Variants in BZW1 observed in about 807,000 individuals in gnomAD.
BZW1 encodes the protein basic leucine zipper and W2 domains 1.
Under a neutral mutation model 54.1 loss-of-function variants are expected in BZW1, and 3 were observed. That is an observed-to-expected ratio of 0.06 (90% confidence interval 0.03 to 0.14). The LOEUF is 0.14. Among genes scored for constraint, BZW1 ranks in the 10% least tolerant of loss-of-function variants. BZW1 has a pLI of 1.00. For missense variants in BZW1, 206 were observed against 491.7 expected, an observed-to-expected ratio of 0.42 and a Z score of 5.50; for synonymous variants, 152 against 162.7, an observed-to-expected ratio of 0.93 and a Z score of 0.50.
Position 200,823,490 on chromosome 2 carries a change from T to C in BZW1, c.*1312T>C, listed in dbSNP as rs1381542110. ...GTGTTAAAAGTGAACATTTTGAAGGTTTTTAACTGGTGAAACTAGCCTGGA... is the reference window on the plus strand; with the variant it reads ...GTGTTAAAAGTGAACATTTTGAAGGCTTTTAACTGGTGAAACTAGCCTGGA... On this transcript the variant is annotated 3_prime_UTR_variant, in exon 12 of 12. Coordinates refer to ENST00000409600, the MANE Select transcript of BZW1 (RefSeq NM_001207067.2). 6.6e-6 allele frequency: 1 copy of C among 151,724 alleles called. No homozygotes were observed. The highest frequency in any genetic ancestry group is 6.6e-5 in the Admixed American group (1 of 15,152). 9.4% of individuals were successfully genotyped at this position (151,724 alleles called of 1,614,324 possible). A position where few individuals can be genotyped will look rare whatever the true frequency, so the allele number is the denominator to read the frequency against.
chr2:200,816,112 C>G (rs1201955021), intron 4 of BZW1, among the ~76,000 whole-genome samples: 3 of 152,176 alleles, frequency 2.0e-5, no homozygotes, highest in Admixed American at 2.0e-4. Context: ...GCTTGTTAAT[C>G]AAGATCTCAT....
intron 1 of BZW1, chr2:200,812,841 A>G (rs1309721619): frequency 3.0e-6 from 2 of 664,970 alleles, no homozygotes; most frequent in East Asian, 3.1e-5. Context: ...GACTATGGTG[A>G]TAATCTCTCT....
At chr2:200,812,295 C>A in intron 1 of BZW1, 1 of 1,233,670 alleles carries the variant, frequency 8.1e-7, no homozygotes, top group Non-Finnish European at 1.0e-6. Flanking sequence ...GCCGCCGCGG[C>A]CTCTGTTGTG....
At chr2:200,820,882 T>A (rs2038483991) in intron 10 of BZW1, among the ~76,000 whole-genome samples, 1 of 152,198 alleles carries the variant, frequency 6.6e-6, no homozygotes, top group Non-Finnish European at 1.5e-5. Flanking sequence ...ATTGTTCCCT[T>A]TTCTCCTGAT....
intron 8 of BZW1, 109 bp from the exon 9 acceptor site, chr2:200,818,646 G>T: frequency 7.8e-7 from 1 of 1,275,138 alleles, no homozygotes. Context: ...GTGGTTGCCA[G>T]TTGCATGGAA....
At position 200,822,296 on chromosome 2, in the gene BZW1, TCATGG is replaced by T. The variant is rs1219261522; in HGVS notation, c.*121_*125del. On this transcript the variant is annotated 3_prime_UTR_variant, in exon 12 of 12. Coordinates refer to ENST00000409600, the MANE Select transcript of BZW1 (RefSeq NM_001207067.2). ...TGTATCAAGCATGATATAAGGGCTT[TCATGG>T]CAAATTTTATTTTAACTGTTTCTAT... is the stretch of plus-strand genomic sequence containing the variant. The T allele has an allele frequency of 1.6e-5, 13 of 816,830 alleles. No homozygotes were observed. The highest frequency in any genetic ancestry group is 3.0e-5 in the Admixed American group (1 of 33,604). The allele number at this position is 816,830 out of a possible 1,614,324, so 50.6% of individuals were successfully genotyped here.
At chr2:200,817,587 G>A (rs2038340421) in intron 6 of BZW1, among the ~76,000 whole-genome samples, 1 of 152,008 alleles carries the variant, frequency 6.6e-6, no homozygotes, top group Non-Finnish European at 1.5e-5. Flanking sequence ...GGGAAAATCA[G>A]TTCCCTGTTT....
At chr2:200,817,049 C>T in intron 5 of BZW1, 57 bp from the exon 6 acceptor site, 3 of 1,577,290 alleles carry the variant, frequency 1.9e-6, no homozygotes, top group Non-Finnish European at 1.7e-6. Flanking sequence ...TGCTTTACTG[C>T]TTCTCTTATT....
At chr2:200,818,511 C>G in intron 8 of BZW1, 118 bp downstream of exon 8, 1 of 1,253,052 alleles carries the variant, frequency 8.0e-7, no homozygotes, top group East Asian at 2.4e-5. Context: ...GGATGTTATA[C>G]TGGAACTTTG....
intron 9 of BZW1, 79 bp from the exon 10 acceptor site, chr2:200,819,903 A>G (rs924204023): frequency 4.0e-6 from 5 of 1,242,766 alleles, no homozygotes; most frequent in Non-Finnish European, 5.3e-6. Flanking sequence ...TAAGTTCTAT[A>G]TTGTCTGTAT....
chr2:200,820,217 G>C (rs1478220363), intron 10 of BZW1, 97 bp downstream of exon 10: 1 of 1,142,344 alleles, frequency 8.8e-7, no homozygotes, highest in Admixed American at 3.2e-5. Flanking sequence ...TCAGCTCCCT[G>C]AAATATTTTA....
rs997825708 is a variant in BZW1, at chr2:200,826,938, A to G, written c.*4760A>G. 1.4e-5 allele frequency: 2 copies of G among 147,496 alleles called. No individual in the cohort carries two copies. The highest frequency in any genetic ancestry group is 3.0e-5 in the Non-Finnish European group (2 of 67,468). 9.1% of individuals were successfully genotyped at this position (147,496 alleles called of 1,614,324 possible). A position where few individuals can be genotyped will look rare whatever the true frequency, so the allele number is the denominator to read the frequency against. On this transcript the variant is annotated 3_prime_UTR_variant, in exon 12 of 12. Coordinates refer to ENST00000409600, the MANE Select transcript of BZW1 (RefSeq NM_001207067.2). ...ATTCTTAAGGACAAAAATAGTTTAC[A>G]GCTTTTTTTTTTTTAATCTGAAATC...
chr2:200,819,986 A>G lies in BZW1; in HGVS notation c.971A>G (p.Tyr324Cys). The part of the protein sequence containing the change: ...AEQAIKHLKQ[Y>C]SPLLAAFTTQ... Reference sequence around the variant, plus strand: ...TTTTCTCTGTTCCTTTAAAAGCAATACAGCCCTCTACTTGCTGCCTTTACT... The same window carrying G: ...TTTTCTCTGTTCCTTTAAAAGCAATGCAGCCCTCTACTTGCTGCCTTTACT... The change falls in exon 10 of 12, where the codon TAC becomes TGC. Residue 324 changes from tyrosine to cysteine, a missense_variant. Transcript: ENST00000409600. 1.3e-6 allele frequency: 2 copies of G among 1,506,682 alleles called. No homozygotes were observed. The highest frequency in any genetic ancestry group is 1.8e-6 in the Non-Finnish European group (2 of 1,128,520). 93.3% of individuals were successfully genotyped at this position (1,506,682 alleles called of 1,614,324 possible).
chr2:200,824,192 CAGTAAT>C lies in BZW1; in HGVS notation c.*2018_*2023del, dbSNP rs1320346264. ...TATAGTAAGTGGATATCACTTGTGACAGTAATAGTGTAAAGAAAGGGAATGCTTTAT... is the reference window on the plus strand; with the variant it reads ...TATAGTAAGTGGATATCACTTGTGACAGTGTAAAGAAAGGGAATGCTTTAT... On this transcript the variant is annotated 3_prime_UTR_variant, in exon 12 of 12. Transcript: ENST00000409600. The C allele has an allele frequency of 6.6e-6, 1 of 152,002 alleles. No homozygotes were observed. Among genetic ancestry groups the C allele is most frequent in the Non-Finnish European group, 1.5e-5 (1 of 68,014 alleles). The allele number at this position is 152,002 out of a possible 1,614,324, so 9.4% of individuals were successfully genotyped here. A position where few individuals can be genotyped will look rare whatever the true frequency, so the allele number is the denominator to read the frequency against.
intron 11 of BZW1, among the ~76,000 whole-genome samples, chr2:200,821,809 G>A (rs1000789194): frequency 5.9e-5 from 9 of 152,172 alleles, no homozygotes; most frequent in African/African-American, 2.2e-4. Context: ...GGTGGCTCAC[G>A]CCTGTAATCC....
Position 200,811,986 on chromosome 2 carries a change from A to C in BZW1, c.-15A>C. The C allele has an allele frequency of 2.8e-6, 1 of 362,640 alleles. No individual in the cohort carries two copies. Among genetic ancestry groups the C allele is most frequent in the Non-Finnish European group, 4.9e-6 (1 of 203,562 alleles). The allele number at this position is 362,640 out of a possible 1,614,324, so 22.5% of individuals were successfully genotyped here. On this transcript the variant is annotated 5_prime_UTR_variant, in exon 1 of 12. Transcript: ENST00000409600. ...TCTGGCTCTTTCCTCTTCGCCTTAAATTCGGTGAGACGCGGCGCCCCGCTC... is the reference window on the plus strand; with the variant it reads ...TCTGGCTCTTTCCTCTTCGCCTTAACTTCGGTGAGACGCGGCGCCCCGCTC...
At position 200,821,322 on chromosome 2, in the gene BZW1, G is replaced by C. The variant is rs564818308; in HGVS notation, c.1228+17G>C. 2.7e-5 allele frequency: 43 copies of C among 1,612,262 alleles called. No homozygotes were observed. Among genetic ancestry groups the C allele is most frequent in the Non-Finnish European group, 3.4e-5 (40 of 1,179,482 alleles). On this transcript the variant is annotated intron_variant, in intron 11 of 11. Transcript: ENST00000409600. Reference sequence around the variant, plus strand: ...CTGAAGAAGGTAAGGATTTTCCTTTGTGTGGTTTGTTTGGTAAAGCTAATT... The same window carrying C: ...CTGAAGAAGGTAAGGATTTTCCTTTCTGTGGTTTGTTTGGTAAAGCTAATT...
chr2:200,813,477 G>GT (rs2038165139), intron 2 of BZW1, 196 bp downstream of exon 2: 1 of 519,266 alleles, frequency 1.9e-6, no homozygotes, highest in East Asian at 3.2e-5. Flanking sequence ...TTAATTTTTA[G>GT]TATCAATATA....
chr2:200,819,051 T>A, intron 9 of BZW1, 150 bp downstream of exon 9: 4 of 897,226 alleles, frequency 4.5e-6, no homozygotes, highest in South Asian at 2.0e-5. Flanking sequence ...ACATTAGCTA[T>A]TGATGATAAT....
Sources: gnomAD v4.1 joint callset for allele counts (sites outside exome capture counted in the v4.1 genomes callset) on GRCh38, gnomAD v4.1.1 for gene constraint, MANE v1.5 for transcripts, NCBI Gene and HGNC (gene_info 2026-07-23, HGNC 2026-07-21) for gene names.